AFG2A: variants seen among roughly 807,000 people sequenced by gnomAD.
AFG2A encodes AAA ATPase AFG2A, also known as ATPase family gene 2 protein homolog A.
chr4:122,935,742 T>C, the AFG2A span: 2 of 1,610,538 alleles, frequency 1.2e-6, no homozygotes, highest in Non-Finnish European at 1.7e-6. Flanking sequence ...GAGTGTTACT[T>C]TATGGTCCTC....
chr4:122,932,785 A>G, the AFG2A span, among the ~76,000 whole-genome samples: 3 of 152,170 alleles, frequency 2.0e-5, no homozygotes, highest in East Asian at 1.9e-4. Context: ...AAAAACCTTC[A>G]TTGTAACCAT....
the AFG2A span, among the ~76,000 whole-genome samples, chr4:123,213,216 T>C: frequency 6.6e-6 from 1 of 152,178 alleles, no homozygotes; most frequent in Non-Finnish European, 1.5e-5. Flanking sequence ...TGCAGATTGA[T>C]CTTCGTGTAC....
the AFG2A span, among the ~76,000 whole-genome samples, chr4:123,162,435 A>G: frequency 3.9e-5 from 6 of 152,298 alleles, no homozygotes; most frequent in East Asian, 5.8e-4. Flanking sequence ...GACAGTGACA[A>G]ATGTTTTTAA....
chr4:122,974,110 A>G, the AFG2A span, among the ~76,000 whole-genome samples: 13 of 152,108 alleles, frequency 8.5e-5, no homozygotes, highest in African/African-American at 1.2e-4. Context: ...TGTAGTTTGT[A>G]TTAGAAATAA....
chr4:123,136,781 G>A, the AFG2A span, among the ~76,000 whole-genome samples: 1 of 151,370 alleles, frequency 6.6e-6, no homozygotes, highest in East Asian at 1.9e-4. Flanking sequence ...GGCAGAGGTT[G>A]CAGTGAGCCG....
chr4:123,091,291 A>G, the AFG2A span, among the ~76,000 whole-genome samples: 3 of 152,224 alleles, frequency 2.0e-5, no homozygotes, highest in Admixed American at 1.3e-4. Flanking sequence ...CTGTCCTACA[A>G]AGGATCTTAA....
chr4:123,230,097 G>C, the AFG2A span, among the ~76,000 whole-genome samples: 1 of 151,922 alleles, frequency 6.6e-6, no homozygotes, highest in Non-Finnish European at 1.5e-5. Flanking sequence ...GGTGGTGGTT[G>C]CTGAAGGTTG....
At chr4:123,268,194 T>G in the AFG2A span, among the ~76,000 whole-genome samples, 2 of 151,740 alleles carry the variant, frequency 1.3e-5, no homozygotes, top group Non-Finnish European at 2.9e-5. Context: ...TAGACATAAT[T>G]AGGGAGCAGA....
At chr4:122,936,892 A>G in the AFG2A span, among the ~76,000 whole-genome samples, 1 of 152,180 alleles carries the variant, frequency 6.6e-6, no homozygotes, top group Admixed American at 6.5e-5. Flanking sequence ...AGGCAAGAGA[A>G]TCTCTTGAAC....
chr4:123,011,460 A>G, the AFG2A span, among the ~76,000 whole-genome samples: 4 of 152,188 alleles, frequency 2.6e-5, no homozygotes, highest in Admixed American at 1.3e-4. Context: ...ACACTTTTAC[A>G]TATTGGTTTC....
chr4:123,108,033 G>A, the AFG2A span, among the ~76,000 whole-genome samples: 3 of 152,110 alleles, frequency 2.0e-5, no homozygotes, highest in African/African-American at 7.2e-5. Context: ...AGTGAGCCCC[G>A]CCCTCCCAAC....
the AFG2A span, among the ~76,000 whole-genome samples, chr4:123,232,833 G>A: frequency 1.3e-5 from 2 of 152,130 alleles, no homozygotes; most frequent in South Asian, 4.1e-4. Context: ...CTGGTCTGAT[G>A]TAAAGTTAGG....
the AFG2A span, among the ~76,000 whole-genome samples, chr4:123,238,102 G>A: frequency 3.9e-5 from 6 of 152,192 alleles, no homozygotes; most frequent in Non-Finnish European, 5.9e-5. Flanking sequence ...ATCGACCTGC[G>A]AGGCTGCAGC....
At chr4:123,124,956 C>T in the AFG2A span, among the ~76,000 whole-genome samples, 4 of 152,068 alleles carry the variant, frequency 2.6e-5, no homozygotes, top group African/African-American at 9.7e-5. Flanking sequence ...AAAACAATCA[C>T]CAGGAAACAT....
the AFG2A span, among the ~76,000 whole-genome samples, chr4:123,274,914 A>T: frequency 1.3e-5 from 2 of 152,158 alleles, no homozygotes; most frequent in African/African-American, 4.8e-5. Flanking sequence ...TGGTTGGAAT[A>T]AAAATATGAC....
chr4:122,950,584 C>T, the AFG2A span, among the ~76,000 whole-genome samples: 1 of 152,222 alleles, frequency 6.6e-6, no homozygotes. Context: ...AGGTGATCCA[C>T]CCGCCTCAGC....
At chr4:123,271,005 A>G in the AFG2A span, among the ~76,000 whole-genome samples, 1 of 152,208 alleles carries the variant, frequency 6.6e-6, no homozygotes, top group East Asian at 1.9e-4. Flanking sequence ...CCTATGAAGA[A>G]GCAAAGCCAT....
chr4:122,929,027 C>T, the AFG2A span: 2 of 1,608,038 alleles, frequency 1.2e-6, no homozygotes, highest in South Asian at 1.1e-5. Context: ...TTTTTATTTC[C>T]TCTGTCTGGC....
the AFG2A span, among the ~76,000 whole-genome samples, chr4:123,110,464 T>G: frequency 6.6e-6 from 1 of 152,148 alleles, no homozygotes; most frequent in Non-Finnish European, 1.5e-5. Flanking sequence ...AAAAATGTAA[T>G]CCAAGCAAAA....
Sources: gnomAD v4.1 joint callset for allele counts (sites outside exome capture counted in the v4.1 genomes callset) on GRCh38, gnomAD v4.1.1 for gene constraint, MANE v1.5 for transcripts, NCBI Gene and HGNC (gene_info 2026-07-23, HGNC 2026-07-21) for gene names.